Variants in MAP3K13 observed in about 807,000 individuals in gnomAD.
The protein encoded by MAP3K13 is leucine zipper-bearing kinase.
MAP3K13 carries 52 observed loss-of-function variants against 104.0 expected under a neutral mutation model. The ratio of observed to expected loss-of-function variants is 0.50; its 90% confidence interval spans 0.40 to 0.63. The LOEUF is 0.63. MAP3K13 is among the 20% of genes least tolerant of loss of function. MAP3K13 has a pLI of 0.00. For synonymous variants in MAP3K13, 394 were observed against 442.2 expected (o/e 0.89, Z 1.37); for missense variants, 914 against 1,218.5 (o/e 0.75, Z 3.72).
At chr3:185,290,160 C>T (rs1368424030) in intron 2 of MAP3K13, among the ~76,000 whole-genome samples, 3 of 151,920 alleles carry the variant, frequency 2.0e-5, no homozygotes, top group African/African-American at 7.3e-5. Context: ...CAAGAACAAA[C>T]TTATCTAATA....
rs1718829336 is a variant in MAP3K13 at position 185,488,507 on chromosome 3, A to G, written c.*6051A>G. On this transcript the variant is annotated 3_prime_UTR_variant, in exon 14 of 14. Transcript: ENST00000265026. ...TAAAATCACTGCTCTGAGAAACAGG[A>G]GGTGGGTTAAGGCTTTTGTTAACTG... 1 of 152,254 alleles carries G rather than the reference A, an allele frequency of 6.6e-6. No homozygotes were observed. Among genetic ancestry groups the G allele is most frequent in the Admixed American group, 6.5e-5 (1 of 15,278 alleles). 9.4% of individuals were successfully genotyped at this position (152,254 alleles called of 1,614,324 possible).
rs1217666522 is a variant in MAP3K13 at position 185,428,926 on chromosome 3, C to T, written c.345C>T (p.Asp115=). The T allele has an allele frequency of 6.2e-7, 1 of 1,614,136 alleles. No individual in the cohort carries two copies. Among genetic ancestry groups the T allele is most frequent in the Non-Finnish European group, 8.5e-7 (1 of 1,180,022 alleles). Residue 115 remains aspartate, a synonymous_variant, in exon 2 of 14, where the codon GAC becomes GAT. Coordinates refer to ENST00000265026, the MANE Select transcript of MAP3K13 (RefSeq NM_004721.5). ...VDGESTSGTE[D]IKIQFSRSGS... ...GAGAGAGCACAAGCGGAACTGAAGA[C>T]ATAAAGATTCAGTTCAGCAGGTCAG...
chr3:185,434,728 GT>G (rs763783132), intron 2 of MAP3K13, among the ~76,000 whole-genome samples: 12 of 152,062 alleles, frequency 7.9e-5, no homozygotes, highest in Non-Finnish European at 1.8e-4. Flanking sequence ...TAAAATCTGT[GT>G]TTTTCTGACT....
chr3:185,419,640 T>C (rs909904939), intron 1 of MAP3K13, among the ~76,000 whole-genome samples: 2 of 152,270 alleles, frequency 1.3e-5, no homozygotes, highest in Admixed American at 6.5e-5. Context: ...TAAAGGTACA[T>C]ATATGTCTGT....
intron 1 of MAP3K13, among the ~76,000 whole-genome samples, chr3:185,373,852 C>A (rs1359560448): frequency 1.6e-5 from 2 of 127,270 alleles, no homozygotes; most frequent in Admixed American, 8.7e-5. Flanking sequence ...TTTTTTTGAG[C>A]AACAGCGGCT....
chr3:185,324,168 G>A (rs1434930919), intron 2 of MAP3K13, among the ~76,000 whole-genome samples: 2 of 151,816 alleles, frequency 1.3e-5, no homozygotes, highest in Non-Finnish European at 2.9e-5. Flanking sequence ...CCGCCACCAC[G>A]CCCGGCTAAT....
intron 11 of MAP3K13, chr3:185,477,102 C>T: frequency 1.5e-6 from 1 of 650,550 alleles, no homozygotes; most frequent in Non-Finnish European, 2.9e-6. Context: ...TCACTCAGTT[C>T]TACACGTCTT....
chr3:185,465,923 T>A (rs1717390313), intron 9 of MAP3K13, 60 bp downstream of exon 9: 4 of 1,171,022 alleles, frequency 3.4e-6, no homozygotes, highest in Non-Finnish European at 5.1e-6. Flanking sequence ...AGCAGAAACA[T>A]ACTACCCTTC....
intron 2 of MAP3K13, among the ~76,000 whole-genome samples, chr3:185,311,227 G>A (rs1721484583): frequency 1.3e-5 from 2 of 152,256 alleles, no homozygotes; most frequent in South Asian, 2.1e-4. Context: ...AAGAAAAAGA[G>A]GTTTAATTGG....
chr3:185,297,565 T>C (rs1720958600), intron 2 of MAP3K13, among the ~76,000 whole-genome samples: 1 of 151,932 alleles, frequency 6.6e-6, no homozygotes, highest in Non-Finnish European at 1.5e-5. Context: ...TGAAACCCTG[T>C]CTCTACTAAT....
intron 7 of MAP3K13, among the ~76,000 whole-genome samples, 172 bp from the exon 8 acceptor site, chr3:185,463,378 T>C (rs1454168000): frequency 6.6e-6 from 1 of 152,188 alleles, no homozygotes; most frequent in East Asian, 1.9e-4. Context: ...CGTGGAGATA[T>C]AGTAGCAGGA....
At chr3:185,353,936 A>G (rs1723241644) in intron 2 of MAP3K13, among the ~76,000 whole-genome samples, 1 of 152,154 alleles carries the variant, frequency 6.6e-6, no homozygotes, top group Non-Finnish European at 1.5e-5. Flanking sequence ...AAGAGAAGAA[A>G]GACTTAATTC....
chr3:185,478,154 C>T (rs1718236225), intron 12 of MAP3K13, among the ~76,000 whole-genome samples: 1 of 152,118 alleles, frequency 6.6e-6, no homozygotes, highest in Non-Finnish European at 1.5e-5. Context: ...CACCTTCAAC[C>T]CAGCCTTAGA....
chr3:185,402,228 T>C (rs1286831656), intron 1 of MAP3K13, among the ~76,000 whole-genome samples: 1 of 152,248 alleles, frequency 6.6e-6, no homozygotes, highest in Non-Finnish European at 1.5e-5. Flanking sequence ...ATCCTCATTC[T>C]GGGTATATCA....
At chr3:185,465,196 T>C (rs760424501) in intron 8 of MAP3K13, among the ~76,000 whole-genome samples, 2 of 152,170 alleles carry the variant, frequency 1.3e-5, no homozygotes, top group Admixed American at 1.3e-4. Flanking sequence ...CAGGCTGGTC[T>C]TGAACTCCTG....
chr3:185,477,528 T>G (rs769896441), intron 12 of MAP3K13, 132 bp downstream of exon 12: 15 of 665,428 alleles, frequency 2.3e-5, no homozygotes, highest in Non-Finnish European at 2.9e-5. Flanking sequence ...ACTCACTGTG[T>G]TCATGTTTTC....
chr3:185,363,256 G>T lies in MAP3K13; in HGVS notation c.-198G>T, dbSNP rs1033262737. The T allele has an allele frequency of 3.5e-5, 34 of 985,114 alleles. No individual in the cohort carries two copies. Among genetic ancestry groups the T allele is most frequent in the Middle Eastern group, 5.2e-4 (1 of 1,936 alleles). The allele number at this position is 985,114 out of a possible 1,614,324, so 61.0% of individuals were successfully genotyped here. A position where few individuals can be genotyped will look rare whatever the true frequency, so the allele number is the denominator to read the frequency against. On this transcript the variant is annotated 5_prime_UTR_variant, in exon 1 of 14. Coordinates refer to ENST00000265026, the MANE Select transcript of MAP3K13 (RefSeq NM_004721.5). ...TTTGCGGTGGGCTGGAGGATTGTGT[G>T]GGTGGAATCCCCCTCCCCTTTATTT...
intron 7 of MAP3K13, among the ~76,000 whole-genome samples, chr3:185,457,738 A>G (rs1179016854): frequency 1.3e-5 from 2 of 152,116 alleles, no homozygotes; most frequent in Non-Finnish European, 2.9e-5. Context: ...CTTCTCCTTA[A>G]ATAGCTCCAA....
chr3:185,388,395 G>A (rs969416577), intron 1 of MAP3K13, among the ~76,000 whole-genome samples: 33 of 151,990 alleles, frequency 2.2e-4, no homozygotes, highest in Admixed American at 7.9e-4. Flanking sequence ...CCAGCTACTC[G>A]GGAGGATGAG....
Sources: allele counts gnomAD v4.1 joint callset (sites outside exome capture counted in the v4.1 genomes callset), GRCh38; gene constraint gnomAD v4.1.1; transcripts MANE v1.5; gene names NCBI Gene and HGNC (gene_info 2026-07-23, HGNC 2026-07-21).